Variants in LHPP observed in about 807,000 individuals in gnomAD.
The protein encoded by LHPP is phospholysine phosphohistidine inorganic pyrophosphate phosphatase, also known as hLHPP.
A neutral mutation model predicts 30.3 loss-of-function variants in LHPP; 24 were observed. The ratio of observed to expected loss-of-function variants is 0.79; its 90% CI spans 0.57 to 1.11. The LOEUF is 1.11. Ranked by LOEUF, LHPP falls within the 50% of genes most tolerant of loss-of-function variation. The pLI, the probability that LHPP is intolerant of heterozygous loss-of-function variation, is 0.00. For synonymous variants in LHPP, 150 were observed against 157.1 expected (o/e 0.95, Z 0.34); for missense variants, 356 against 367.2 (o/e 0.97, Z 0.25).
intron 6 of LHPP, among the ~76,000 whole-genome samples, chr10:124,602,839 G>GC (rs1158417865): frequency 6.6e-6 from 1 of 152,242 alleles, no homozygotes; most frequent in Non-Finnish European, 1.5e-5. Context: ...AGGATCCAAG[G>GC]CCGAGGGGCA....
At chr10:124,487,669 C>T (rs2133854917) in intron 2 of LHPP, among the ~76,000 whole-genome samples, 1 of 152,206 alleles carries the variant, frequency 6.6e-6, no homozygotes, top group South Asian at 2.1e-4. Context: ...GTCTCGAACT[C>T]CTGAACTCAG....
At chr10:124,489,787 A>C in intron 3 of LHPP, 1 of 176,848 alleles carries the variant, frequency 5.7e-6, no homozygotes, top group South Asian at 1.0e-4. Context: ...TTTTCTGCTT[A>C]TAAGTTTATT....
intron 6 of LHPP, among the ~76,000 whole-genome samples, chr10:124,563,909 C>T (rs1330192603): frequency 3.3e-5 from 5 of 151,876 alleles, no homozygotes; most frequent in African/African-American, 4.8e-5. Context: ...AGTGGGATGG[C>T]AGTGGGGAGT....
At chr10:124,568,080 A>AT (rs373632298) in intron 6 of LHPP, among the ~76,000 whole-genome samples, 1,609 of 151,838 alleles carry the variant, frequency 0.011, 24 homozygotes, top group African/African-American at 0.037. Context: ...CGCCCGGCTA[A>AT]TTTTTTGTAT....
At chr10:124,563,307 C>A (rs1311824083) in intron 6 of LHPP, among the ~76,000 whole-genome samples, 199 of 26,106 alleles carry the variant, frequency 7.6e-3, no homozygotes, top group South Asian at 0.018. Context: ...CTCTCTCTCT[C>A]TTTTTCTTTT....
At chr10:124,606,448 G>C (rs374354368) in intron 6 of LHPP, among the ~76,000 whole-genome samples, 118 of 152,274 alleles carry the variant, frequency 7.7e-4, no homozygotes, top group African/African-American at 2.2e-3. Context: ...TGTGAGTGTG[G>C]AACTGGACTG....
chr10:124,545,237 G>A (rs375959346), intron 6 of LHPP, among the ~76,000 whole-genome samples: 3 of 152,294 alleles, frequency 2.0e-5, no homozygotes, highest in East Asian at 3.9e-4. Context: ...TGAGTCCCTC[G>A]CTTCTCTAAG....
rs1483968157 is a variant in LHPP, at chr10:124,592,278, G to A, written c.717-20986G>A. Among the ~76,000 whole-genome samples, 1 of 152,042 alleles carries A rather than the reference G, an allele frequency of 6.6e-6. No individual in the cohort carries two copies. Among genetic ancestry groups the A allele is most frequent in the Non-Finnish European group, 1.5e-5 (1 of 68,002 alleles). ...CTGGCAGATGGCACCCGGGCCTGAT[G>A]GCTCCTCAACCCTCTCAGCACCCCA... On this transcript the variant is annotated intron_variant, in intron 6 of 6. Transcript: ENST00000368842. This position sits in a 1 kb window ranked among gnomAD's most constrained non-coding sequence, Gnocchi z 6.2.
chr10:124,600,505 TC>T (rs1371353939), intron 6 of LHPP, among the ~76,000 whole-genome samples: 1 of 152,240 alleles, frequency 6.6e-6, no homozygotes, highest in East Asian at 1.9e-4. Context: ...GAGAGGTTGT[TC>T]CATCCAGGGC....
intron 2 of LHPP, among the ~76,000 whole-genome samples, chr10:124,487,703 C>G (rs1953380664): frequency 6.6e-6 from 1 of 152,146 alleles, no homozygotes; most frequent in South Asian, 2.1e-4. Context: ...CTTGACCTCC[C>G]AAAGTGCTGG....
intron 6 of LHPP, among the ~76,000 whole-genome samples, chr10:124,554,646 TGGGCCCAGGTGGGA>T (rs1293937277): frequency 6.6e-6 from 1 of 151,858 alleles, no homozygotes; most frequent in Admixed American, 6.6e-5. Flanking sequence ...GCTGAAGGGG[TGGGCCCAGGTGGGA>T]GGGGCCAGGT....
At chr10:124,589,919 G>C (rs1204646416) in intron 6 of LHPP, among the ~76,000 whole-genome samples, 1 of 152,168 alleles carries the variant, frequency 6.6e-6, no homozygotes, top group African/African-American at 2.4e-5. Flanking sequence ...GCAGTTCTTC[G>C]GGCTGGCGGG....
rs531930481 is a variant in LHPP, at chr10:124,590,317, C to T, written c.717-22947C>T. ...GCTGCTCAGGAGTGGCTCCCACCCT[C>T]GACTGCGGGGAAGTGCTGGAACCCT... is the stretch of plus-strand genomic sequence containing the variant. On this transcript the variant is annotated intron_variant, in intron 6 of 6. Transcript: ENST00000368842. The surrounding 1 kb of genome is among the most constrained non-coding windows in gnomAD (Gnocchi z 4.3). Among the ~76,000 whole-genome samples, 2 of 152,304 alleles carry T rather than the reference C, an allele frequency of 1.3e-5. No individual in the cohort carries two copies. The highest frequency in any genetic ancestry group is 6.5e-5 in the Admixed American group (1 of 15,298).
intron 6 of LHPP, among the ~76,000 whole-genome samples, chr10:124,572,570 G>C (rs992793725): frequency 6.6e-6 from 1 of 151,858 alleles, no homozygotes; most frequent in Non-Finnish European, 1.5e-5. Flanking sequence ...GGTGGAGGTT[G>C]CAGTAAACCG....
At chr10:124,556,472 A>G (rs7915771) in intron 6 of LHPP, among the ~76,000 whole-genome samples, 70,914 of 152,218 alleles carry the variant, frequency 0.47, 16,914 homozygotes, top group African/African-American at 0.56. Context: ...TTGTAAACCC[A>G]ACTGCATTGC....
At chr10:124,613,233 G>T in intron 6 of LHPP, 31 bp from the exon 7 acceptor site, 1 of 1,528,120 alleles carries the variant, frequency 6.5e-7, no homozygotes, top group Non-Finnish European at 9.1e-7. Context: ...CAGCGTGGGG[G>T]CACTGACTAA....
intron 3 of LHPP, among the ~76,000 whole-genome samples, chr10:124,494,472 T>C (rs2133867873): frequency 6.6e-6 from 1 of 152,320 alleles, no homozygotes; most frequent in African/African-American, 2.4e-5. Context: ...CTTTCCTCCG[T>C]CCTGGCTTAC....
At chr10:124,518,353 T>C (rs999609739) in intron 6 of LHPP, among the ~76,000 whole-genome samples, 3 of 152,214 alleles carry the variant, frequency 2.0e-5, no homozygotes, top group African/African-American at 7.2e-5. Flanking sequence ...AACGTTTTTT[T>C]CCAAGAGACC....
At chr10:124,543,178 G>C (rs1266072579) in intron 6 of LHPP, among the ~76,000 whole-genome samples, 1 of 152,220 alleles carries the variant, frequency 6.6e-6, no homozygotes, top group Non-Finnish European at 1.5e-5. Context: ...AGCTCGGGCA[G>C]TACAAGCCTT....
Sources: gnomAD v4.1 joint callset for allele counts (sites outside exome capture counted in the v4.1 genomes callset) on GRCh38, gnomAD v4.1.1 for gene constraint, Gnocchi (gnomAD v3.1) non-coding constraint, MANE v1.5 for transcripts, NCBI Gene and HGNC (gene_info 2026-07-23, HGNC 2026-07-21) for gene names.